Variants in SLC71A1 observed in about 807,000 individuals in gnomAD.
SLC71A1 encodes the protein solute carrier family 71 member 1, also known as hippocampus abundant gene transcript 1.
At chr1:100,075,640 ATCTT>A in the SLC71A1 span, among the ~76,000 whole-genome samples, 2 of 152,066 alleles carry the variant, frequency 1.3e-5, no homozygotes, top group African/African-American at 2.4e-5. Flanking sequence ...ATCATTTCTA[ATCTT>A]TCTGATTATT....
the SLC71A1 span, among the ~76,000 whole-genome samples, chr1:100,051,190 A>G: frequency 3.9e-5 from 6 of 151,932 alleles, no homozygotes; most frequent in Admixed American, 2.0e-4. Context: ...CAAGAGATTG[A>G]GACCATCCTG....
chr1:100,064,984 C>T, the SLC71A1 span, among the ~76,000 whole-genome samples: 2 of 152,144 alleles, frequency 1.3e-5, no homozygotes, highest in Admixed American at 6.5e-5. Flanking sequence ...CTCCCCTCTA[C>T]CTCCCTGCCT....
the SLC71A1 span, among the ~76,000 whole-genome samples, chr1:100,071,550 T>C: frequency 6.6e-6 from 1 of 152,324 alleles, no homozygotes; most frequent in Middle Eastern, 3.4e-3. Flanking sequence ...AACCTTGCAA[T>C]AGATGTGATC....
the SLC71A1 span, chr1:100,080,750 T>A: frequency 1.8e-5 from 20 of 1,116,042 alleles, no homozygotes; most frequent in Non-Finnish European, 2.6e-5. Flanking sequence ...TTATGTGAGA[T>A]TCTATTTGAG....
chr1:100,057,536 G>A, the SLC71A1 span, among the ~76,000 whole-genome samples: 8 of 151,902 alleles, frequency 5.3e-5, no homozygotes, highest in African/African-American at 1.9e-4. Flanking sequence ...TGTATTTTTA[G>A]TAGAGATGAG....
the SLC71A1 span, among the ~76,000 whole-genome samples, chr1:100,063,217 T>A: frequency 6.6e-6 from 1 of 152,084 alleles, no homozygotes; most frequent in Admixed American, 6.6e-5. Context: ...GTTTTGAAAT[T>A]AACAATTTTC....
At chr1:100,079,217 A>T in the SLC71A1 span, 1 of 152,126 alleles carries the variant, frequency 6.6e-6, no homozygotes, top group African/African-American at 2.4e-5. Context: ...CTGAGGCAGG[A>T]GGATTACTTG....
At chr1:100,043,052 A>G in the SLC71A1 span, 21 of 982,762 alleles carry the variant, frequency 2.1e-5, no homozygotes, top group Non-Finnish European at 2.5e-5. Context: ...GGGATAAATT[A>G]ATATGCAGTT....
chr1:100,070,650 A>G, the SLC71A1 span, among the ~76,000 whole-genome samples: 8 of 152,152 alleles, frequency 5.3e-5, no homozygotes, highest in African/African-American at 1.9e-4. Flanking sequence ...AACAATAAGA[A>G]TACTATCTTT....
chr1:100,059,544 G>GTT, the SLC71A1 span, among the ~76,000 whole-genome samples: 1 of 150,684 alleles, frequency 6.6e-6, no homozygotes, highest in African/African-American at 2.4e-5. Flanking sequence ...TATGTTTTAT[G>GTT]TTTTATATAT....
the SLC71A1 span, chr1:100,061,792 A>G: frequency 2.5e-6 from 3 of 1,184,588 alleles, no homozygotes; most frequent in Non-Finnish European, 3.8e-6. Flanking sequence ...GATTAAAACA[A>G]TGGTAATTGC....
chr1:100,064,719 CT>C, the SLC71A1 span, among the ~76,000 whole-genome samples: 1 of 150,434 alleles, frequency 6.6e-6, no homozygotes, highest in Non-Finnish European at 1.5e-5. Flanking sequence ...CTATTTTTGT[CT>C]CTTTTCCTTT....
the SLC71A1 span, chr1:100,082,360 G>A: frequency 3.2e-6 from 2 of 629,194 alleles, no homozygotes; most frequent in South Asian, 2.1e-5. Context: ...AAAGGAAGTG[G>A]GAACTTAGAA....
chr1:100,038,723 A>G, the SLC71A1 span, among the ~76,000 whole-genome samples: 1 of 152,290 alleles, frequency 6.6e-6, no homozygotes, highest in South Asian at 2.1e-4. Context: ...GCGCTTGTCA[A>G]GGGGCTGGGA....
At chr1:100,049,797 G>C in the SLC71A1 span, 11 of 625,806 alleles carry the variant, frequency 1.8e-5, no homozygotes, top group East Asian at 3.0e-4. Context: ...ACAGTGCCCA[G>C]TACATATATG....
chr1:100,044,466 A>G, the SLC71A1 span, among the ~76,000 whole-genome samples: 1 of 147,968 alleles, frequency 6.8e-6, no homozygotes, highest in Non-Finnish European at 1.5e-5. Context: ...TGCACAGTTC[A>G]TAAATATTTT....
the SLC71A1 span, among the ~76,000 whole-genome samples, chr1:100,070,924 GT>G: frequency 3.3e-5 from 5 of 152,002 alleles, no homozygotes; most frequent in African/African-American, 1.2e-4. Flanking sequence ...GATTCATTCT[GT>G]TTTGGTGAGT....
At chr1:100,047,778 G>A in the SLC71A1 span, among the ~76,000 whole-genome samples, 3 of 152,100 alleles carry the variant, frequency 2.0e-5, no homozygotes, top group African/African-American at 7.2e-5. Context: ...GTATTTTGTT[G>A]AGGATTTTTG....
the SLC71A1 span, among the ~76,000 whole-genome samples, chr1:100,064,331 C>A: frequency 2.0e-5 from 3 of 152,190 alleles, no homozygotes; most frequent in South Asian, 6.2e-4. Flanking sequence ...GGGGTTTCAC[C>A]ATATTGGCCA....
Sources: gnomAD v4.1 joint callset for allele counts (sites outside exome capture counted in the v4.1 genomes callset) on GRCh38, gnomAD v4.1.1 for gene constraint, MANE v1.5 for transcripts, NCBI Gene and HGNC (gene_info 2026-07-23, HGNC 2026-07-21) for gene names.